Variants in DDR2 observed in about 807,000 individuals in gnomAD.
DDR2 encodes discoidin domain receptor tyrosine kinase 2.
A neutral mutation model predicts 94.9 loss-of-function variants in DDR2; 27 were observed. That is an observed-to-expected ratio of 0.28 (90% CI 0.21 to 0.39). The LOEUF is 0.39. Among genes scored for constraint, DDR2 ranks in the 10% least tolerant of loss-of-function variants. DDR2 has a pLI of 1.00. For missense variants in DDR2, 783 were observed against 1,076.0 expected, an observed-to-expected ratio of 0.73 and a Z score of 3.81; for synonymous variants, 382 against 377.2, an observed-to-expected ratio of 1.01 and a Z score of -0.15.
chr1:162,784,009 C>G lies in DDR2; in HGVS notation c.*3763C>G, dbSNP rs1648039394. 1 of 152,186 alleles carries G rather than the reference C, an allele frequency of 6.6e-6. No homozygotes were observed. Among genetic ancestry groups the G allele is most frequent in the African/African-American group, 2.4e-5 (1 of 41,426 alleles). The allele number at this position is 152,186 out of a possible 1,614,324, so 9.4% of individuals were successfully genotyped here. A position where few individuals can be genotyped will look rare whatever the true frequency, so the allele number is the denominator to read the frequency against. The stretch of plus-strand genomic sequence containing the variant: ...AATAAAGTTCATTTTCAATAATGTC[C>G]ACCATTGCTGTGCCCAGAATAACCA... On this transcript the variant is annotated 3_prime_UTR_variant, in exon 18 of 18. Transcript: ENST00000367921.
At position 162,759,884 on chromosome 1, in the gene DDR2, T is replaced by A. The variant is rs1571302027; in HGVS notation, c.760T>A (p.Tyr254Asn). 1 of 1,614,190 alleles carries A rather than the reference T, an allele frequency of 6.2e-7. No homozygotes were observed. The highest frequency in any genetic ancestry group is 8.5e-7 in the Non-Finnish European group (1 of 1,180,024). The change falls in exon 8 of 18, where the codon TAT becomes AAT. Residue 254 changes from tyrosine (Y) to asparagine (N), a missense_variant. Physicochemically the swap from Tyr to Asn is moderately radical, Grantham distance 143. Coordinates refer to ENST00000367921, the MANE Select transcript of DDR2 (RefSeq NM_006182.4). ...QTHEYHVWPG[Y>N]DYVGWRNESA... ...CCATGAATACCACGTGTGGCCCGGC[T>A]ATGACTATGTGGGCTGGCGGAACGA...
In DDR2 at chr1:162,782,551, A is replaced by C. The variant is rs1647961719; in HGVS notation, c.*2305A>C. ...TATTAGCTTCATTAGAATTAAAGGG[A>C]CTTGAACTCAGGACCTGCAGCCTAT... On this transcript the variant is annotated 3_prime_UTR_variant, in exon 18 of 18. Coordinates refer to ENST00000367921, the MANE Select transcript of DDR2 (RefSeq NM_006182.4). The C allele has an allele frequency of 8.5e-6, 1 of 117,636 alleles. No homozygotes were observed. Among genetic ancestry groups the C allele is most frequent in the Non-Finnish European group, 1.8e-5 (1 of 56,188 alleles). The allele number at this position is 117,636 out of a possible 1,614,324, so 7.3% of individuals were successfully genotyped here.
rs1387140310 is a variant in DDR2 at position 162,783,270 on chromosome 1, T to C, written c.*3024T>C. On this transcript the variant is annotated 3_prime_UTR_variant, in exon 18 of 18. Transcript: ENST00000367921. ...ACTTGATGTGCTATCCAGACACATA[T>C]GATCAGAAAAGATCTAGAGTGCAAA... 2.6e-5 allele frequency: 4 copies of C among 152,206 alleles called. No individual in the cohort carries two copies. Among genetic ancestry groups the C allele is most frequent in the Non-Finnish European group, 4.4e-5 (3 of 68,026 alleles). 9.4% of individuals were successfully genotyped at this position (152,206 alleles called of 1,614,324 possible).
At chr1:162,683,694 G>A (rs987531084) in intron 2 of DDR2, among the ~76,000 whole-genome samples, 1 of 151,934 alleles carries the variant, frequency 6.6e-6, no homozygotes, top group African/African-American at 2.4e-5. Flanking sequence ...TATGTTGAAG[G>A]CTACAAAGAC....
chr1:162,762,503 A>G (rs536243922), intron 9 of DDR2, among the ~76,000 whole-genome samples: 1 of 152,200 alleles, frequency 6.6e-6, no homozygotes, highest in Non-Finnish European at 1.5e-5. Flanking sequence ...TCCTCCATCA[A>G]TAACCACTGT....
chr1:162,665,228 T>C (rs777524885), intron 2 of DDR2, among the ~76,000 whole-genome samples: 3 of 152,218 alleles, frequency 2.0e-5, no homozygotes, highest in Non-Finnish European at 2.9e-5. Flanking sequence ...TTAAACATCA[T>C]AAAGTGGATC....
chr1:162,710,613 T>C (rs1012871285), intron 2 of DDR2, among the ~76,000 whole-genome samples: 3 of 152,134 alleles, frequency 2.0e-5, no homozygotes, highest in African/African-American at 7.2e-5. Flanking sequence ...TAATCTGAAA[T>C]GAAAATGACT....
chr1:162,732,030 T>C (rs1428559582), intron 3 of DDR2, among the ~76,000 whole-genome samples: 1 of 152,234 alleles, frequency 6.6e-6, no homozygotes, highest in Non-Finnish European at 1.5e-5. Flanking sequence ...GGAAGAAGAA[T>C]TCATTATCTG....
rs950662490 is a variant in DDR2, at chr1:162,778,816, G to A, written c.2433+87G>A. ...AGTCCTGCCTTAGCAGGAGTGGGCC[G>A]AGATGGAAGACAGACTATCCAGGTG... On this transcript the variant is annotated intron_variant, in intron 17 of 17. Transcript: ENST00000367921. The A allele has an allele frequency of 1.6e-5, 25 of 1,547,470 alleles. 1 individual carries two copies. The highest frequency in any genetic ancestry group is 3.5e-5 in the Admixed American group (2 of 57,392).
rs577034926 is a variant in DDR2 at position 162,775,900 on chromosome 1, T to C, written c.2048+57T>C. On this transcript the variant is annotated intron_variant, in intron 15 of 17. Transcript: ENST00000367921. The stretch of plus-strand genomic sequence containing the variant: ...GTGGTCATGAGAGTAACCTGGGATC[T>C]GAAAATAGGGAGCAGTGAGCCTTAA... The C allele has an allele frequency of 3.1e-5, 50 of 1,603,148 alleles. No individual in the cohort carries two copies. The South Asian group carries it at 5.0e-4, about 16-fold the overall frequency.
At chr1:162,774,408 C>A (rs374974376) in intron 14 of DDR2, among the ~76,000 whole-genome samples, 3 of 151,728 alleles carry the variant, frequency 2.0e-5, no homozygotes, top group Non-Finnish European at 2.9e-5. Context: ...TCTTATTTTC[C>A]AAATTATCAT....
chr1:162,701,894 CA>C (rs1558035211), intron 2 of DDR2, among the ~76,000 whole-genome samples: 1 of 152,132 alleles, frequency 6.6e-6, no homozygotes, highest in Non-Finnish European at 1.5e-5. Flanking sequence ...CATTAAGTCC[CA>C]GTGTAGTTTT....
rs780672988 is a variant in DDR2, at chr1:162,657,495, C to T, written c.-28+2121C>T. ...TTAATAGGTAATCTGGAACATAAGG[C>T]ATACTCTGGATGGGTAGCCACCTGC... On this transcript the variant is annotated intron_variant, in intron 2 of 17. Coordinates refer to ENST00000367921, the MANE Select transcript of DDR2 (RefSeq NM_006182.4). Among the ~76,000 whole-genome samples the T allele has an allele frequency of 4.6e-5, 7 of 152,188 alleles. No individual in the cohort carries two copies. The South Asian group carries it at 1.0e-3, about 23-fold the overall frequency.
At chr1:162,632,670 T>C (rs1203225880) in intron 1 of DDR2, 39 bp downstream of exon 1, 1 of 152,222 alleles carries the variant, frequency 6.6e-6, no homozygotes, top group African/African-American at 2.4e-5. Context: ...TATTTTTTCT[T>C]TTTTGAAAAT....
Position 162,637,424 on chromosome 1 carries a change from A to G in DDR2, c.-192+4793A>G, listed in dbSNP as rs1312197120. 3.9e-5 allele frequency among the ~76,000 whole-genome samples: 6 copies of G among 152,218 alleles called. No individual in the cohort carries two copies. In the East Asian group the frequency reaches 1.2e-3, roughly 29 times the overall value. On this transcript the variant is annotated intron_variant, in intron 1 of 17. Transcript: ENST00000367921. ...TTTTTAAAAATTATAGAGCAACTTTAGCTTTACAGAAAAACTGAGAACAAA... is the reference window on the plus strand; with the variant it reads ...TTTTTAAAAATTATAGAGCAACTTTGGCTTTACAGAAAAACTGAGAACAAA...
chr1:162,639,551 A>G (rs1461751746), intron 1 of DDR2, among the ~76,000 whole-genome samples: 1 of 152,218 alleles, frequency 6.6e-6, no homozygotes, highest in Non-Finnish European at 1.5e-5. Context: ...ATAACATAGG[A>G]AAAAATCTCA....
At chr1:162,768,817 A>G (rs1664124576) in intron 11 of DDR2, among the ~76,000 whole-genome samples, 1 of 152,258 alleles carries the variant, frequency 6.6e-6, no homozygotes, top group Non-Finnish European at 1.5e-5. Context: ...TAGCAACAGA[A>G]GACTGAAATA....
At chr1:162,746,413 G>A (rs1662867685) in intron 3 of DDR2, among the ~76,000 whole-genome samples, 1 of 152,332 alleles carries the variant, frequency 6.6e-6, no homozygotes, top group Non-Finnish European at 1.5e-5. Context: ...TGGCAGCGAG[G>A]CTGGGGGAGG....
At chr1:162,766,123 G>A in intron 10 of DDR2, 60 bp downstream of exon 10, 1 of 1,584,306 alleles carries the variant, frequency 6.3e-7, no homozygotes, top group South Asian at 1.1e-5. Context: ...GGATGAAGAA[G>A]GGTGGAGAGT....
Sources: gnomAD v4.1 joint callset for allele counts (sites outside exome capture counted in the v4.1 genomes callset) on GRCh38, gnomAD v4.1.1 for gene constraint, MANE v1.5 for transcripts, NCBI Gene and HGNC (gene_info 2026-07-23, HGNC 2026-07-21) for gene names.